Variants in B3GAT2 observed in about 807,000 individuals in gnomAD.
The protein encoded by B3GAT2 is beta-1,3-glucuronyltransferase 2, also known as galactosylgalactosylxylosylprotein 3-beta-glucuronosyltransferase 2.
B3GAT2 carries 26 observed loss-of-function variants against 27.8 expected under a neutral mutation model. The ratio of observed to expected loss-of-function variants is 0.93; its 90% CI spans 0.68 to 1.30. The LOEUF is 1.30. B3GAT2 is among the 50% of genes most tolerant of loss of function. The pLI is 0.00. For missense variants in B3GAT2, 458 were observed against 459.0 expected (o/e 1.00, Z 0.02); for synonymous variants, 218 against 195.1 (o/e 1.12, Z -0.98).
At chr6:70,921,265 T>G (rs1772866567) in intron 1 of B3GAT2, among the ~76,000 whole-genome samples, 1 of 152,188 alleles carries the variant, frequency 6.6e-6, no homozygotes. Flanking sequence ...TATTTCTCAG[T>G]GGTTTTGTTC....
intron 2 of B3GAT2, among the ~76,000 whole-genome samples, chr6:70,868,023 A>G (rs1041551131): frequency 6.6e-6 from 1 of 152,162 alleles, no homozygotes; most frequent in African/African-American, 2.4e-5. Flanking sequence ...GTAATTCACC[A>G]TATTAGCAGA....
At chr6:70,936,975 T>C (rs1169513237) in intron 1 of B3GAT2, among the ~76,000 whole-genome samples, 1 of 151,912 alleles carries the variant, frequency 6.6e-6, no homozygotes, top group Non-Finnish European at 1.5e-5. Context: ...GCTGGTTATT[T>C]GAAAGGATCA....
At chr6:70,931,988 C>T (rs994600165) in intron 1 of B3GAT2, among the ~76,000 whole-genome samples, 16 of 152,086 alleles carry the variant, frequency 1.1e-4, no homozygotes, top group African/African-American at 3.9e-4. Flanking sequence ...AGAAGACAGA[C>T]AAATGGCCAA....
At chr6:70,861,793 G>A in intron 3 of B3GAT2, 37 bp downstream of exon 3, 2 of 1,613,978 alleles carry the variant, frequency 1.2e-6, no homozygotes, top group Non-Finnish European at 1.7e-6. Flanking sequence ...TCTTCATGGT[G>A]ACACTCGAGG....
At chr6:70,921,533 T>A (rs1245661099) in intron 1 of B3GAT2, among the ~76,000 whole-genome samples, 2 of 152,218 alleles carry the variant, frequency 1.3e-5, no homozygotes, top group Non-Finnish European at 2.9e-5. Flanking sequence ...TTCCTTGGAT[T>A]GGGTTTCAAC....
intron 1 of B3GAT2, among the ~76,000 whole-genome samples, chr6:70,910,878 TGA>T (rs1447357691): frequency 1.3e-5 from 2 of 152,254 alleles, no homozygotes; most frequent in Admixed American, 6.5e-5. Flanking sequence ...CTGACTGGTG[TGA>T]GATGGTATCT....
chr6:70,915,211 G>T (rs1297501901), intron 1 of B3GAT2, among the ~76,000 whole-genome samples: 1 of 152,084 alleles, frequency 6.6e-6, no homozygotes, highest in African/African-American at 2.4e-5. Context: ...CTTCTTTTGA[G>T]AAGTGTCTGT....
At chr6:70,873,881 T>C (rs1771974879) in intron 2 of B3GAT2, among the ~76,000 whole-genome samples, 1 of 152,164 alleles carries the variant, frequency 6.6e-6, no homozygotes, top group Admixed American at 6.5e-5. Context: ...CCAGCATTTC[T>C]ATTTGGTTCT....
chr6:70,860,320 C>A lies in B3GAT2; in HGVS notation c.*1343G>T. 6.2e-7 allele frequency: 1 copy of A among 1,607,882 alleles called. No individual in the cohort carries two copies. The highest frequency in any genetic ancestry group is 8.5e-7 in the Non-Finnish European group (1 of 1,178,338). On this transcript the variant is annotated 3_prime_UTR_variant, in exon 4 of 4. Transcript: ENST00000230053. ...CTCATCAGGTCAGACTCTCAGCACA[C>A]AACTGTGGAAATGAAAACTGCAATA...
At chr6:70,921,234 T>A (rs890699391) in intron 1 of B3GAT2, among the ~76,000 whole-genome samples, 2 of 152,180 alleles carry the variant, frequency 1.3e-5, no homozygotes, top group Non-Finnish European at 2.9e-5. Context: ...GAGTCACAGA[T>A]TTGGTCTCTA....
chr6:70,911,764 T>C (rs1346158130), intron 1 of B3GAT2, among the ~76,000 whole-genome samples: 1 of 152,240 alleles, frequency 6.6e-6, no homozygotes, highest in Non-Finnish European at 1.5e-5. Flanking sequence ...ACATTGATTC[T>C]TCCTATCCAC....
In B3GAT2 at chr6:70,894,137, C is replaced by T. The variant is rs1445262803; in HGVS notation, c.727G>A (p.Asp243Asn). ...CACCCACACTGCTCACCTGCCATGT[C>T]GATGGCAAAAGGCCTGTCTGCTCTC... ...GWRADRPFAI[D>N]MAGFAVSLQV... Residue 243 changes from aspartate to asparagine, a missense_variant, in exon 2 of 4, where the codon GAC (aspartate) becomes AAC (asparagine). Asp to Asn is a conservative substitution (Grantham distance 23). Coordinates refer to ENST00000230053, the MANE Select transcript of B3GAT2 (RefSeq NM_080742.3). The T allele has an allele frequency of 6.2e-7, 1 of 1,610,594 alleles. No homozygotes were observed. The highest frequency in any genetic ancestry group is 1.7e-5 in the Admixed American group (1 of 59,586).
At chr6:70,877,049 G>A (rs1433977924) in intron 2 of B3GAT2, among the ~76,000 whole-genome samples, 1 of 152,188 alleles carries the variant, frequency 6.6e-6, no homozygotes, top group Non-Finnish European at 1.5e-5. Flanking sequence ...TTGTGCCCAG[G>A]ACTCTGCACC....
chr6:70,861,462 A>AACAT lies in B3GAT2; in HGVS notation c.*197_*200dup, dbSNP rs1247467641. 20 of 573,244 alleles carry AACAT rather than the reference A, an allele frequency of 3.5e-5. No homozygotes were observed. Among genetic ancestry groups the AACAT allele is most frequent in the South Asian group, 2.6e-4 (11 of 42,228 alleles). The allele number at this position is 573,244 out of a possible 1,614,324, so 35.5% of individuals were successfully genotyped here. On this transcript the variant is annotated 3_prime_UTR_variant, in exon 4 of 4. Transcript: ENST00000230053. ...AAACATGCAGAACAAATGAAGACAA[A>AACAT]ACATACATTTTGTACCAACCATCCA...
At chr6:70,882,652 G>T (rs762788861) in intron 2 of B3GAT2, among the ~76,000 whole-genome samples, 12 of 152,142 alleles carry the variant, frequency 7.9e-5, no homozygotes, top group Non-Finnish European at 1.6e-4. Flanking sequence ...ATCTGATAAA[G>T]GATTAATACC....
At chr6:70,898,890 G>C (rs1260147225) in intron 1 of B3GAT2, among the ~76,000 whole-genome samples, 1 of 152,062 alleles carries the variant, frequency 6.6e-6, no homozygotes, top group Non-Finnish European at 1.5e-5. Context: ...TTGAGCCCGG[G>C]AAGTAGAGGT....
At chr6:70,899,955 A>G (rs572136287) in intron 1 of B3GAT2, among the ~76,000 whole-genome samples, 4 of 152,338 alleles carry the variant, frequency 2.6e-5, no homozygotes, top group Admixed American at 6.5e-5. Context: ...TACATAACAA[A>G]CACAATCTCA....
intron 1 of B3GAT2, among the ~76,000 whole-genome samples, chr6:70,950,630 A>T (rs10455716): frequency 0.13 from 19,430 of 152,190 alleles, 1,685 homozygotes; most frequent in East Asian, 0.34. Context: ...AAAAACGGGG[A>T]TACTGATTAT....
At chr6:70,943,482 T>C (rs1582397576) in intron 1 of B3GAT2, among the ~76,000 whole-genome samples, 2 of 152,218 alleles carry the variant, frequency 1.3e-5, no homozygotes, top group Admixed American at 6.5e-5. Flanking sequence ...CTTCACATAA[T>C]TCTGTATTTT....
Sources: gnomAD v4.1 joint callset for allele counts (sites outside exome capture counted in the v4.1 genomes callset) on GRCh38, gnomAD v4.1.1 for gene constraint, MANE v1.5 for transcripts, NCBI Gene and HGNC (gene_info 2026-07-23, HGNC 2026-07-21) for gene names.